The following DYNC1I1 variants were observed in gnomAD, a reference collection of about 807,000 sequenced individuals.
DYNC1I1 encodes cytoplasmic dynein 1 intermediate chain 1.
Under a neutral mutation model 86.6 loss-of-function variants are expected in DYNC1I1, and 43 were observed. The ratio of observed to expected loss-of-function variants is 0.50; its 90% CI spans 0.39 to 0.64. The LOEUF is 0.64. Ranked by LOEUF, DYNC1I1 falls within the 30% of genes least tolerant of loss-of-function variation. The pLI, the probability that DYNC1I1 is intolerant of heterozygous loss-of-function variation, is 0.00. For synonymous variants in DYNC1I1, 262 were observed against 283.7 expected (o/e 0.92, Z 0.77); for missense variants, 604 against 788.8 (o/e 0.77, Z 2.81).
At chr7:95,780,930 T>C (rs1793975795) in intron 1 of DYNC1I1, among the ~76,000 whole-genome samples, 1 of 152,108 alleles carries the variant, frequency 6.6e-6, no homozygotes, top group Non-Finnish European at 1.5e-5. Flanking sequence ...TGTTTCACCA[T>C]CTGCCCGTTA....
intron 4 of DYNC1I1, among the ~76,000 whole-genome samples, chr7:95,814,683 A>G (rs935357426): frequency 5.3e-5 from 8 of 152,108 alleles, no homozygotes; most frequent in Admixed American, 4.6e-4. Flanking sequence ...AAACCAACAT[A>G]TAAGACTGGA....
intron 6 of DYNC1I1, among the ~76,000 whole-genome samples, chr7:95,878,656 G>A (rs987673965): frequency 6.6e-6 from 1 of 152,072 alleles, no homozygotes; most frequent in African/African-American, 2.4e-5. Context: ...AGAAAAAGGA[G>A]TAGAAAATAC....
At chr7:95,846,003 G>A (rs1362314417) in intron 5 of DYNC1I1, among the ~76,000 whole-genome samples, 2 of 152,040 alleles carry the variant, frequency 1.3e-5, no homozygotes, top group African/African-American at 4.8e-5. Context: ...AAAGATGTAG[G>A]CCAATTGTTA....
At chr7:95,894,458 TG>T (rs34221456) in intron 6 of DYNC1I1, among the ~76,000 whole-genome samples, 140,615 of 150,872 alleles carry the variant, frequency 0.93, 65,877 homozygotes, top group Non-Finnish European at 0.98. Context: ...TACCTGAATT[TG>T]GGGGGGGGAC....
At chr7:96,006,805 C>T (rs1207217651) in intron 10 of DYNC1I1, among the ~76,000 whole-genome samples, 1 of 152,150 alleles carries the variant, frequency 6.6e-6, no homozygotes, top group East Asian at 1.9e-4. Flanking sequence ...GACATTGTTA[C>T]AGAAGTGAAA....
At chr7:95,845,582 A>G (rs1046924820) in intron 5 of DYNC1I1, among the ~76,000 whole-genome samples, 2 of 152,246 alleles carry the variant, frequency 1.3e-5, no homozygotes, top group African/African-American at 4.8e-5. Flanking sequence ...TGCCAGTTGA[A>G]TTCTTTGAGC....
chr7:95,990,285 A>G (rs894704674), intron 9 of DYNC1I1, among the ~76,000 whole-genome samples: 1 of 152,148 alleles, frequency 6.6e-6, no homozygotes, highest in African/African-American at 2.4e-5. Flanking sequence ...AATCAGACTC[A>G]TGATCTTACT....
At chr7:95,882,359 G>A (rs1028340777) in intron 6 of DYNC1I1, among the ~76,000 whole-genome samples, 7 of 152,160 alleles carry the variant, frequency 4.6e-5, no homozygotes, top group Non-Finnish European at 1.0e-4. Flanking sequence ...TCTTAGTCAT[G>A]TTGAGCTTTG....
intron 16 of DYNC1I1, among the ~76,000 whole-genome samples, chr7:96,105,529 T>C (rs1335937919): frequency 6.6e-6 from 1 of 152,164 alleles, no homozygotes; most frequent in Non-Finnish European, 1.5e-5. Context: ...GTATTAGTCT[T>C]TTAACATATC....
At chr7:96,092,843 T>C (rs1438865314) in intron 16 of DYNC1I1, among the ~76,000 whole-genome samples, 3 of 152,176 alleles carry the variant, frequency 2.0e-5, no homozygotes, top group Non-Finnish European at 4.4e-5. Flanking sequence ...TCTTAGAAGA[T>C]TTAAAACAAT....
intron 10 of DYNC1I1, among the ~76,000 whole-genome samples, chr7:96,005,393 T>C (rs2115815932): frequency 6.6e-6 from 1 of 152,288 alleles, no homozygotes; most frequent in East Asian, 1.9e-4. Flanking sequence ...CCAGTCCACA[T>C]TTTAGTAAAT....
intron 15 of DYNC1I1, among the ~76,000 whole-genome samples, 177 bp downstream of exon 15, chr7:96,076,374 A>T (rs1438594902): frequency 6.6e-6 from 1 of 152,228 alleles, no homozygotes; most frequent in Non-Finnish European, 1.5e-5. Context: ...GCATTGGCCA[A>T]AAATCACTTA....
At chr7:95,950,180 C>T (rs1453823440) in intron 6 of DYNC1I1, among the ~76,000 whole-genome samples, 20 of 152,190 alleles carry the variant, frequency 1.3e-4, no homozygotes, top group Non-Finnish European at 2.9e-5. Context: ...TGCGAAAACA[C>T]AGGTGCCCTG....
intron 7 of DYNC1I1, among the ~76,000 whole-genome samples, chr7:95,980,307 CT>C (rs767841458): frequency 0.023 from 3,250 of 142,004 alleles, 59 homozygotes; most frequent in African/African-American, 0.058. Context: ...CAAACTCTGG[CT>C]TTTTTTTTTT....
At chr7:95,961,928 C>T (rs113483594) in intron 6 of DYNC1I1, among the ~76,000 whole-genome samples, 1 of 152,136 alleles carries the variant, frequency 6.6e-6, no homozygotes, top group African/African-American at 2.4e-5. Context: ...TTTGTCTTCC[C>T]TTGACCTTGA....
chr7:95,941,187 G>T (rs1792204546), intron 6 of DYNC1I1, among the ~76,000 whole-genome samples: 1 of 152,072 alleles, frequency 6.6e-6, no homozygotes, highest in Non-Finnish European at 1.5e-5. Flanking sequence ...ACCCGGCTGT[G>T]TGAGGTGTCA....
chr7:95,941,363 T>A (rs1288846486), intron 6 of DYNC1I1, among the ~76,000 whole-genome samples: 1 of 151,910 alleles, frequency 6.6e-6, no homozygotes, highest in East Asian at 1.9e-4. Flanking sequence ...TCTGCAGAGG[T>A]TACTGCTGTC....
chr7:95,802,257 T>C (rs557734949), intron 1 of DYNC1I1, among the ~76,000 whole-genome samples: 1 of 152,292 alleles, frequency 6.6e-6, no homozygotes, highest in Admixed American at 6.5e-5. Flanking sequence ...CCCTTTGCTT[T>C]CTCAAAGTCA....
chr7:96,011,455 G>A (rs1384305182), intron 10 of DYNC1I1, among the ~76,000 whole-genome samples: 1 of 152,120 alleles, frequency 6.6e-6, no homozygotes, highest in Non-Finnish European at 1.5e-5. Context: ...ACCCACTGTA[G>A]GATATTTATC....
Sources: allele counts gnomAD v4.1 joint callset (sites outside exome capture counted in the v4.1 genomes callset), GRCh38; gene constraint gnomAD v4.1.1; transcripts MANE v1.5; gene names NCBI Gene and HGNC (gene_info 2026-07-23, HGNC 2026-07-21).